HEMK2: variants seen among roughly 807,000 people sequenced by gnomAD.
HEMK2 encodes methyltransferase HEMK2.
chr21:28,767,806 C>T, the HEMK2 span, among the ~76,000 whole-genome samples: 20 of 152,020 alleles, frequency 1.3e-4, no homozygotes, highest in Non-Finnish European at 2.2e-4. Context: ...TTCTGCCCAA[C>T]TCCTTTACAA....
At chr21:28,791,793 T>C in the HEMK2 span, among the ~76,000 whole-genome samples, 497 of 152,136 alleles carry the variant, frequency 3.3e-3, 2 homozygotes, top group African/African-American at 0.011. Flanking sequence ...CCATCTTGAA[T>C]AGGGGACGGG....
At chr21:28,811,375 A>AAAGG in the HEMK2 span, among the ~76,000 whole-genome samples, 466 of 143,892 alleles carry the variant, frequency 3.2e-3, 2 homozygotes, top group African/African-American at 0.011. Context: ...GGAAGGAAGG[A>AAAGG]AAGGAAGGAA....
At chr21:28,718,684 TAATAG>T in the HEMK2 span, among the ~76,000 whole-genome samples, 364 of 152,254 alleles carry the variant, frequency 2.4e-3, 1 homozygote, top group African/African-American at 8.2e-3. Context: ...TAAGCTTATA[TAATAG>T]AATCACTACA....
the HEMK2 span, among the ~76,000 whole-genome samples, chr21:28,681,366 G>T: frequency 1.3e-5 from 2 of 152,048 alleles, no homozygotes; most frequent in African/African-American, 4.8e-5. Flanking sequence ...ACCTCTTCAA[G>T]GAGAACTACA....
the HEMK2 span, chr21:28,873,319 A>C: frequency 6.6e-6 from 1 of 152,264 alleles, no homozygotes; most frequent in African/African-American, 2.4e-5. Flanking sequence ...CTTATGTTAC[A>C]GAATAAGGAA....
chr21:28,863,465 T>TATATATATATATAC, the HEMK2 span, among the ~76,000 whole-genome samples: 3 of 85,592 alleles, frequency 3.5e-5, 1 homozygote, highest in East Asian at 4.1e-4. Context: ...TATATATATA[T>TATATATATATATAC]ATATACTTCA....
At chr21:28,813,695 A>T in the HEMK2 span, among the ~76,000 whole-genome samples, 4 of 152,210 alleles carry the variant, frequency 2.6e-5, no homozygotes, top group Non-Finnish European at 4.4e-5. Context: ...AGGCTACATT[A>T]ACCAAAACAG....
At chr21:28,857,438 ATTC>A in the HEMK2 span, among the ~76,000 whole-genome samples, 14 of 151,864 alleles carry the variant, frequency 9.2e-5, no homozygotes, top group South Asian at 2.3e-3. Context: ...TGATTGTATG[ATTC>A]TTTTCTGTAT....
At chr21:28,863,465 TATATAC>T in the HEMK2 span, among the ~76,000 whole-genome samples, 1 of 85,592 alleles carries the variant, frequency 1.2e-5, no homozygotes, top group African/African-American at 5.3e-5. Context: ...TATATATATA[TATATAC>T]TTCATTAGTT....
At chr21:28,832,396 C>G in the HEMK2 span, among the ~76,000 whole-genome samples, 1 of 152,144 alleles carries the variant, frequency 6.6e-6, no homozygotes, top group African/African-American at 2.4e-5. Context: ...TCTACCTCTC[C>G]AAGAGTCTCC....
chr21:28,604,791 TTAGCTTGGCACAGATC>T, the HEMK2 span, among the ~76,000 whole-genome samples: 1 of 152,216 alleles, frequency 6.6e-6, no homozygotes, highest in Non-Finnish European at 1.5e-5. Flanking sequence ...CATTTGCTTT[TTAGCTTGGCACAGATC>T]TTACTAAAAT....
At chr21:28,863,121 T>A in the HEMK2 span, among the ~76,000 whole-genome samples, 1 of 151,980 alleles carries the variant, frequency 6.6e-6, no homozygotes, top group Non-Finnish European at 1.5e-5. Context: ...AGATTAACAT[T>A]TGAGTCAGTG....
chr21:28,852,074 G>A, the HEMK2 span, among the ~76,000 whole-genome samples: 4 of 152,182 alleles, frequency 2.6e-5, no homozygotes, highest in Non-Finnish European at 4.4e-5. Flanking sequence ...CAGTCCAAAC[G>A]GGAGAGTTGA....
the HEMK2 span, among the ~76,000 whole-genome samples, chr21:28,847,703 G>A: frequency 1.3e-5 from 2 of 152,164 alleles, no homozygotes; most frequent in Admixed American, 1.3e-4. Flanking sequence ...CATGGCCAAT[G>A]TGCAAAATGC....
the HEMK2 span, among the ~76,000 whole-genome samples, chr21:28,596,327 C>A: frequency 6.6e-6 from 1 of 152,034 alleles, no homozygotes; most frequent in African/African-American, 2.4e-5. Context: ...CCAAACAGTT[C>A]TTATTATTAT....
the HEMK2 span, chr21:28,882,962 C>A: frequency 6.8e-7 from 1 of 1,462,470 alleles, no homozygotes; most frequent in East Asian, 2.3e-5. Flanking sequence ...AGTGGAAGAT[C>A]TAGATGAATA....
the HEMK2 span, among the ~76,000 whole-genome samples, chr21:28,662,926 C>T: frequency 1.3e-5 from 2 of 152,128 alleles, no homozygotes; most frequent in East Asian, 3.9e-4. Flanking sequence ...TTCTCCCCTC[C>T]TCTTGCTTTC....
At chr21:28,872,020 T>C in the HEMK2 span, among the ~76,000 whole-genome samples, 1 of 152,216 alleles carries the variant, frequency 6.6e-6, no homozygotes, top group Non-Finnish European at 1.5e-5. Context: ...TAATTCCAAA[T>C]AGGAGCATAT....
the HEMK2 span, among the ~76,000 whole-genome samples, chr21:28,691,373 A>G: frequency 3.3e-5 from 5 of 152,202 alleles, no homozygotes; most frequent in Non-Finnish European, 7.3e-5. Context: ...TTAAGGATTT[A>G]AATATCTCTG....
Sources: allele counts gnomAD v4.1 joint callset (sites outside exome capture counted in the v4.1 genomes callset), GRCh38; gene constraint gnomAD v4.1.1; transcripts MANE v1.5; gene names NCBI Gene and HGNC (gene_info 2026-07-23, HGNC 2026-07-21).